The following SPI1 variants were observed in gnomAD, a reference collection of about 807,000 sequenced individuals.
SPI1 encodes transcription factor PU.1.
Under a neutral mutation model 30.7 loss-of-function variants are expected in SPI1, and 3 were observed. That is an observed-to-expected ratio of 0.10 (90% CI 0.04 to 0.25). The LOEUF (loss-of-function observed/expected upper bound fraction) is 0.25, where lower values mean the gene tolerates loss of function less well. SPI1 is among the 10% of genes least tolerant of loss of function. SPI1 has a pLI of 1.00. For synonymous variants in SPI1, 169 were observed against 157.1 expected, an observed-to-expected ratio of 1.08 and a Z score of -0.56; for missense variants, 261 against 371.5, an observed-to-expected ratio of 0.70 and a Z score of 2.45.
chr11:47,367,553 C>CAA (rs368823506), intron 2 of SPI1, among the ~76,000 whole-genome samples: 76,888 of 113,932 alleles, frequency 0.67, 25,292 homozygotes, highest in African/African-American at 0.7. Context: ...GACTCTGCCT[C>CAA]AAAAAAAAAA....
At chr11:47,365,230 G>C (rs2095926601) in intron 2 of SPI1, among the ~76,000 whole-genome samples, 1 of 151,916 alleles carries the variant, frequency 6.6e-6, no homozygotes, top group African/African-American at 2.4e-5. Context: ...ATCCATTCAG[G>C]GGTCACCCAT....
Position 47,378,434 on chromosome 11 carries a change from G to A in SPI1, c.-81C>T. ...CCCCTCAGGATGGGGTGCCCCGTCA[G>A]GGGCTGGACGGTCGTGGGGCGGGTG... On this transcript the variant is annotated 5_prime_UTR_variant, in exon 1 of 5. Coordinates refer to ENST00000378538, the MANE Select transcript of SPI1 (RefSeq NM_003120.3). 6.7e-7 allele frequency: 1 copy of A among 1,496,258 alleles called. No individual in the cohort carries two copies. The highest frequency in any genetic ancestry group is 9.1e-7 in the Non-Finnish European group (1 of 1,094,876). The allele number at this position is 1,496,258 out of a possible 1,614,324, so 92.7% of individuals were successfully genotyped here.
At position 47,367,207 on chromosome 11, in the gene SPI1, T is replaced by G. The variant is rs149683294; in HGVS notation, c.143-7167A>C. ...AGTATATGGAAATTGGATGGATAGA[T>G]GGATGGATGGATGGATGGATAGAAT... On this transcript the variant is annotated intron_variant, in intron 2 of 4. Coordinates refer to ENST00000378538, the MANE Select transcript of SPI1 (RefSeq NM_003120.3). Among the ~76,000 whole-genome samples, 194 of 152,102 alleles carry G rather than the reference T, an allele frequency of 1.3e-3. 1 individual carries two copies. The highest frequency in any genetic ancestry group is 2.5e-3 in the Non-Finnish European group (171 of 67,990).
chr11:47,356,110 G>C (rs2095908541), intron 4 of SPI1, among the ~76,000 whole-genome samples: 1 of 147,504 alleles, frequency 6.8e-6, no homozygotes, highest in African/African-American at 2.5e-5. Context: ...CCAAACGCCA[G>C]ATTGCACCCA....
intron 2 of SPI1, among the ~76,000 whole-genome samples, chr11:47,361,261 T>A (rs949252583): frequency 3.3e-5 from 5 of 151,692 alleles, no homozygotes; most frequent in African/African-American, 9.7e-5. Flanking sequence ...GACAGCAGAG[T>A]CACAGGGCTG....
rs1341980987 is a variant in SPI1, at chr11:47,355,238, G to A, written c.802C>T (p.Pro268Ser). 7.0e-7 allele frequency: 1 copy of A among 1,427,538 alleles called. No homozygotes were observed. Among genetic ancestry groups the A allele is most frequent in the Admixed American group, 2.7e-5 (1 of 37,134 alleles). 88.4% of individuals were successfully genotyped at this position (1,427,538 alleles called of 1,614,324 possible). ...CGGGGGCTGCGGGCTCAGTGGGGCG[G>A]GTGGCGCCGCTCGGCCAGGCCCCCG... ...GRGGLAERRH[P>S]PH The change falls in exon 5 of 5, where the codon CCG becomes TCG. Residue 268 changes from proline (P) to serine (S), a missense_variant. By Grantham distance (74) the Pro-to-Ser change is moderately conservative. Transcript: ENST00000378538.
In SPI1 at chr11:47,355,062, G is replaced by C; in HGVS notation, c.*165C>G. ...GTCCTGGAGGGAGGCGAAGCGGGATGTGGAGGGGGCCTGGAGTGGGGGGAG... is the reference window on the plus strand; with the variant it reads ...GTCCTGGAGGGAGGCGAAGCGGGATCTGGAGGGGGCCTGGAGTGGGGGGAG... On this transcript the variant is annotated 3_prime_UTR_variant, in exon 5 of 5. Transcript: ENST00000378538. 1 of 432,132 alleles carries C rather than the reference G, an allele frequency of 2.3e-6. No individual in the cohort carries two copies. Among genetic ancestry groups the C allele is most frequent in the Non-Finnish European group, 3.7e-6 (1 of 268,890 alleles). 26.8% of individuals were successfully genotyped at this position (432,132 alleles called of 1,614,324 possible). A position where few individuals can be genotyped will look rare whatever the true frequency, so the allele number is the denominator to read the frequency against.
At chr11:47,377,959 C>A (rs1219455658) in intron 1 of SPI1, among the ~76,000 whole-genome samples, 2 of 152,224 alleles carry the variant, frequency 1.3e-5, no homozygotes, top group Non-Finnish European at 2.9e-5. Context: ...CCAAGCCAGT[C>A]CCCCCATCTC....
intron 2 of SPI1, among the ~76,000 whole-genome samples, chr11:47,372,883 G>A (rs1317612364): frequency 3.9e-5 from 6 of 152,220 alleles, no homozygotes; most frequent in South Asian, 2.1e-4. Context: ...GAAAGGTTAT[G>A]TTACTTGCCC....
rs773934033 is a variant in SPI1 at position 47,355,290 on chromosome 11, G to A, written c.750C>T (p.Tyr250=). ...EVKKVKKKLT[Y]QFSGEVLGRG... ...GGCCCAGCACTTCGCCGCTGAACTG[G>A]TAGGTGAGCTTCTTCTTCACCTTCT... Residue 250 remains tyrosine (Y), a synonymous_variant, in exon 5 of 5, where the codon TAC becomes TAT. Transcript: ENST00000378538. 3.1e-6 allele frequency: 5 copies of A among 1,598,162 alleles called. No homozygotes were observed. The highest frequency in any genetic ancestry group is 2.6e-6 in the Non-Finnish European group (3 of 1,173,514).
At chr11:47,361,052 C>T (rs186307379) in intron 2 of SPI1, among the ~76,000 whole-genome samples, 2,254 of 145,606 alleles carry the variant, frequency 0.015, 30 homozygotes, top group African/African-American at 0.041. Flanking sequence ...ACCCAGGAGG[C>T]GGAGGCTGCA....
intron 1 of SPI1, among the ~76,000 whole-genome samples, chr11:47,377,727 T>C (rs1270560830): frequency 6.6e-6 from 1 of 152,116 alleles, no homozygotes; most frequent in Non-Finnish European, 1.5e-5. Flanking sequence ...CACTCCTGGC[T>C]CCTTTCCAGC....
At chr11:47,378,048 C>T (rs190258273) in intron 1 of SPI1, among the ~76,000 whole-genome samples, 201 of 152,394 alleles carry the variant, frequency 1.3e-3, no homozygotes, top group Non-Finnish European at 2.5e-3. Flanking sequence ...CCGCCTGCCA[C>T]CCGAGCCCTG....
At chr11:47,358,257 C>T in intron 4 of SPI1, 1 of 438,478 alleles carries the variant, frequency 2.3e-6, no homozygotes, top group South Asian at 2.5e-5. Context: ...TATACACTTG[C>T]TCACACACCT....
rs1019437571 is a variant in SPI1 at position 47,369,017 on chromosome 11, G to A, written c.142+6616C>T. On this transcript the variant is annotated intron_variant, in intron 2 of 4. Coordinates refer to ENST00000378538, the MANE Select transcript of SPI1 (RefSeq NM_003120.3). ...TCCCAGCTATTTGGGAGGCTGAGCCGGGTGGATCACCTGAGGTCAGGACTT... is the reference window on the plus strand; with the variant it reads ...TCCCAGCTATTTGGGAGGCTGAGCCAGGTGGATCACCTGAGGTCAGGACTT... Among the ~76,000 whole-genome samples the A allele has an allele frequency of 5.3e-5, 8 of 152,194 alleles. No homozygotes were observed. The South Asian group carries it at 8.3e-4, about 16-fold the overall frequency.
chr11:47,376,614 C>T lies in SPI1; in HGVS notation c.46-885G>A, dbSNP rs2095942719. 2.0e-5 allele frequency among the ~76,000 whole-genome samples: 3 copies of T among 151,268 alleles called. No individual in the cohort carries two copies. The South Asian group carries it at 6.3e-4, about 32-fold the overall frequency. Reference sequence around the variant, plus strand: ...CCCCTCCTCACTCCCCTCTGTCCTCCTTTTCTTCCCCCTCTTCCCTGTCCT... The same window carrying T: ...CCCCTCCTCACTCCCCTCTGTCCTCTTTTTCTTCCCCCTCTTCCCTGTCCT... On this transcript the variant is annotated intron_variant, in intron 1 of 4. Transcript: ENST00000378538.
At position 47,359,136 on chromosome 11, in the gene SPI1, AG is replaced by A. The variant is rs2095916897; in HGVS notation, c.331-131del. 5 of 644,254 alleles carry A rather than the reference AG, an allele frequency of 7.8e-6. No homozygotes were observed. The highest frequency in any genetic ancestry group is 5.4e-5 in the Admixed American group (1 of 18,360). The allele number at this position is 644,254 out of a possible 1,614,324, so 39.9% of individuals were successfully genotyped here. A position where few individuals can be genotyped will look rare whatever the true frequency, so the allele number is the denominator to read the frequency against. On this transcript the variant is annotated intron_variant, in intron 3 of 4. Coordinates refer to ENST00000378538, the MANE Select transcript of SPI1 (RefSeq NM_003120.3). This position sits in a 1 kb window ranked among gnomAD's most constrained non-coding sequence, Gnocchi z 5.1. The stretch of plus-strand genomic sequence containing the variant: ...GACAATGGCAGGCACAGGAGACTGG[AG>A]GAAGAAGACCAGGGAAAAGGGGGGC...
intron 4 of SPI1, among the ~76,000 whole-genome samples, chr11:47,356,894 G>A (rs886770300): frequency 2.1e-5 from 3 of 139,804 alleles, no homozygotes; most frequent in Non-Finnish European, 4.7e-5. Flanking sequence ...ACACACACAC[G>A]CCCCTGCTCA....
chr11:47,370,524 A>T (rs567903397), intron 2 of SPI1, among the ~76,000 whole-genome samples: 74 of 151,742 alleles, frequency 4.9e-4, no homozygotes, highest in African/African-American at 1.7e-3. Flanking sequence ...CAACATGGCG[A>T]AACCCCATCT....
Sources: allele counts gnomAD v4.1 joint callset (sites outside exome capture counted in the v4.1 genomes callset), GRCh38; gene constraint gnomAD v4.1.1; non-coding constraint Gnocchi (gnomAD v3.1); transcripts MANE v1.5; gene names NCBI Gene and HGNC (gene_info 2026-07-23, HGNC 2026-07-21).